Variants in PPP2R2B observed in about 807,000 individuals in gnomAD.
PPP2R2B encodes the protein serine/threonine-protein phosphatase 2A 55 kDa regulatory subunit B beta isoform.
Under a neutral mutation model 46.0 loss-of-function variants are expected in PPP2R2B, and 5 were observed. The ratio of observed to expected loss-of-function variants is 0.11; its 90% confidence interval spans 0.06 to 0.23. PPP2R2B has a LOEUF of 0.23. Ranked by LOEUF, PPP2R2B falls within the 10% of genes least tolerant of loss-of-function variation. The pLI is 1.00. For missense variants in PPP2R2B, 367 were observed against 575.0 expected (o/e 0.64, Z 3.70); for synonymous variants, 215 against 206.7 (o/e 1.04, Z -0.34).
chr5:147,022,044 G>A (rs1398986762), intron 1 of PPP2R2B, among the ~76,000 whole-genome samples: 4 of 152,086 alleles, frequency 2.6e-5, no homozygotes, highest in Non-Finnish European at 5.9e-5. Flanking sequence ...TTTACTGGAT[G>A]AGCTTCAACA....
At chr5:146,822,203 A>T (rs1259979751) in intron 2 of PPP2R2B, among the ~76,000 whole-genome samples, 1 of 152,256 alleles carries the variant, frequency 6.6e-6, no homozygotes, top group African/African-American at 2.4e-5. Context: ...TCCTCAATTT[A>T]GAGCAGAGCC....
intron 7 of PPP2R2B, among the ~76,000 whole-genome samples, chr5:146,606,157 G>A (rs1034953458): frequency 6.6e-6 from 1 of 152,368 alleles, no homozygotes; most frequent in Admixed American, 6.5e-5. Flanking sequence ...AAGGAGGCAT[G>A]CAGTGAGCTG....
rs370072849 is a variant in PPP2R2B at position 147,054,687 on chromosome 5, T to C, written c.79+978A>G. The C allele has an allele frequency of 7.9e-5, 36 of 456,230 alleles. No individual in the cohort carries two copies. In the East Asian group the frequency reaches 1.4e-3, roughly 18 times the overall value. 28.3% of individuals were successfully genotyped at this position (456,230 alleles called of 1,614,324 possible). On this transcript the variant is annotated intron_variant, in intron 1 of 8. Transcript: ENST00000336640. ...GGAGGATGAAAACAAGAGTGGGTTT[T>C]CAGAACAGGCTGGTCGCCAGCTCAG...
At chr5:146,621,401 A>G (rs960348196) in intron 7 of PPP2R2B, among the ~76,000 whole-genome samples, 29 of 152,206 alleles carry the variant, frequency 1.9e-4, no homozygotes, top group African/African-American at 6.8e-4. Flanking sequence ...CTCTGGCTCT[A>G]TGGCATCTCA....
intron 2 of PPP2R2B, among the ~76,000 whole-genome samples, chr5:147,080,159 T>C (rs1235411306): frequency 2.6e-5 from 4 of 152,198 alleles, no homozygotes; most frequent in Non-Finnish European, 4.4e-5. Context: ...AATTACTTTT[T>C]ACTCAGAATT....
At chr5:146,832,377 A>ATATTTTTTTTTTTTTTTTTTT (rs1443028400) in intron 2 of PPP2R2B, among the ~76,000 whole-genome samples, 1 of 104,298 alleles carries the variant, frequency 9.6e-6, no homozygotes, top group Non-Finnish European at 2.0e-5. Context: ...GCCATTTTTA[A>ATATTTTTTTTTTTTTTTTTTT]TCTTTTTTTT....
intron 2 of PPP2R2B, among the ~76,000 whole-genome samples, chr5:146,811,687 A>G (rs956722658): frequency 6.7e-6 from 1 of 149,306 alleles, no homozygotes; most frequent in African/African-American, 2.5e-5. Flanking sequence ...CAGCCTCTCA[A>G]GTAGCTGTGA....
intron 2 of PPP2R2B, among the ~76,000 whole-genome samples, chr5:146,837,138 C>A (rs1206774988): frequency 6.6e-6 from 1 of 152,174 alleles, no homozygotes; most frequent in Non-Finnish European, 1.5e-5. Context: ...AAAAGTGATA[C>A]ACATTCAGTA....
intron 2 of PPP2R2B, among the ~76,000 whole-genome samples, chr5:146,752,631 G>A (rs919199562): frequency 3.3e-5 from 5 of 152,172 alleles, no homozygotes; most frequent in Admixed American, 1.3e-4. Flanking sequence ...GGTTTGCAAT[G>A]TGTGAGATAA....
At chr5:147,073,214 T>C (rs932295703) in intron 2 of PPP2R2B, among the ~76,000 whole-genome samples, 4 of 152,228 alleles carry the variant, frequency 2.6e-5, no homozygotes, top group Admixed American at 1.3e-4. Context: ...ATGGAGTTTT[T>C]TTCTCCTTCT....
intron 2 of PPP2R2B, among the ~76,000 whole-genome samples, chr5:146,787,248 C>G (rs1755895862): frequency 6.6e-6 from 1 of 152,152 alleles, no homozygotes; most frequent in Admixed American, 6.5e-5. Context: ...CTGGAATACT[C>G]CTACATGATC....
Position 146,698,329 on chromosome 5 carries a change from T to A in PPP2R2B, c.169-185A>T, listed in dbSNP as rs866692464. ...AAAAAAAAAAAAAAATATATATATA[T>A]ATATATATATATATATATATATACA... On this transcript the variant is annotated intron_variant, in intron 3 of 9. Coordinates refer to ENST00000394411, the MANE Select transcript of PPP2R2B (RefSeq NM_181675.4). 5.9e-3 allele frequency among the ~76,000 whole-genome samples: 673 copies of A among 114,026 alleles called. 11 individuals carry two copies. Among genetic ancestry groups the A allele is most frequent in the East Asian group, 0.026 (92 of 3,532 alleles). 74.8% of individuals were successfully genotyped at this position (114,026 alleles called of 152,430 possible).
Position 146,934,242 on chromosome 5 carries a change from C to G in PPP2R2B, c.79+121423G>C, listed in dbSNP as rs1383617552. On this transcript the variant is annotated intron_variant, in intron 1 of 8. Coordinates refer to the PPP2R2B transcript ENST00000336640. ...AAATGGTATTTCTAGTTCTAGATCCCTGAGGAATCGCCACACTGACTTCCA... is the reference window on the plus strand; with the variant it reads ...AAATGGTATTTCTAGTTCTAGATCCGTGAGGAATCGCCACACTGACTTCCA... Among the ~76,000 whole-genome samples the G allele has an allele frequency of 1.1e-4, 16 of 151,684 alleles. No homozygotes were observed. The East Asian group carries it at 2.9e-3, about 28-fold the overall frequency.
chr5:146,625,274 G>A (rs527621691), intron 7 of PPP2R2B, among the ~76,000 whole-genome samples: 13 of 152,160 alleles, frequency 8.5e-5, no homozygotes, highest in Admixed American at 3.3e-4. Context: ...TAATTTTAAT[G>A]TTCATGTAAG....
At chr5:147,055,852 T>C in exon 1 of PPP2R2B, 1 of 1,480,334 alleles carries the variant, frequency 6.8e-7, no homozygotes, top group Non-Finnish European at 8.9e-7. Context: ...ATGTAGGTTC[T>C]TTCCCAGATT....
intron 1 of PPP2R2B, among the ~76,000 whole-genome samples, chr5:146,934,885 T>C (rs749156059): frequency 1.3e-5 from 2 of 152,080 alleles, no homozygotes; most frequent in African/African-American, 2.4e-5. Flanking sequence ...AATCTGAATG[T>C]AGAATGATGG....
chr5:147,080,768 C>T (rs1283111791), intron 2 of PPP2R2B, among the ~76,000 whole-genome samples: 1 of 152,150 alleles, frequency 6.6e-6, no homozygotes, highest in African/African-American at 2.4e-5. Context: ...CAGAATTCTA[C>T]AGCGCTGACA....
intron 2 of PPP2R2B, among the ~76,000 whole-genome samples, chr5:146,748,765 T>C (rs138252490): frequency 4.0e-4 from 61 of 152,366 alleles, no homozygotes; most frequent in African/African-American, 1.4e-3. Context: ...CACAGTTTGA[T>C]GTGCTGTTCA....
intron 6 of PPP2R2B, among the ~76,000 whole-genome samples, chr5:146,639,381 T>A (rs1286158773): frequency 6.6e-6 from 1 of 152,218 alleles, no homozygotes; most frequent in Admixed American, 6.5e-5. Context: ...CTCTATTTTT[T>A]AAAGACCATA....
Sources: gnomAD v4.1 joint callset for allele counts (sites outside exome capture counted in the v4.1 genomes callset) on GRCh38, gnomAD v4.1.1 for gene constraint, MANE v1.5 for transcripts, NCBI Gene and HGNC (gene_info 2026-07-23, HGNC 2026-07-21) for gene names.